ATP10A: variants seen among roughly 807,000 people sequenced by gnomAD.
ATP10A encodes phospholipid-transporting ATPase VA.
In ATP10A, 111 loss-of-function variants were observed where a neutral mutation model predicts 147.8. The ratio of observed to expected loss-of-function variants is 0.75; its 90% CI spans 0.64 to 0.88. The LOEUF (loss-of-function observed/expected upper bound fraction) is 0.88. Ranked by LOEUF, ATP10A falls within the 40% of genes least tolerant of loss-of-function variation. The pLI is 0.00. For missense variants in ATP10A, 1,927 were observed against 1,959.0 expected (o/e 0.98, Z 0.31); for synonymous variants, 875 against 841.6 (o/e 1.04, Z -0.69).
intron 1 of ATP10A, among the ~76,000 whole-genome samples, chr15:25,846,437 CCCCAAGTTAGCACGTGGT>C (rs1240840747): frequency 6.6e-6 from 1 of 152,212 alleles, no homozygotes; most frequent in Non-Finnish European, 1.5e-5. Flanking sequence ...CAGTGACAAG[CCCCAAGTTAGCACGTGGT>C]CCACTTCCAG....
At chr15:25,825,220 T>A (rs1223226209) in intron 1 of ATP10A, among the ~76,000 whole-genome samples, 2 of 152,102 alleles carry the variant, frequency 1.3e-5, no homozygotes, top group Admixed American at 1.3e-4. Flanking sequence ...TTGACATTTG[T>A]CAAATTAGAG....
downstream of ATP10A, chr15:25,677,266 C>T (rs1899156778): frequency 6.6e-6 from 1 of 152,116 alleles, no homozygotes; most frequent in South Asian, 2.1e-4. Flanking sequence ...ATTTTGACAC[C>T]AAACTTAGTT....
chr15:25,792,851 C>G (rs1008735778), intron 1 of ATP10A, among the ~76,000 whole-genome samples: 1 of 147,658 alleles, frequency 6.8e-6, no homozygotes, highest in Admixed American at 6.8e-5. Context: ...ATATCTGTTA[C>G]AAAAAGTTGC....
At chr15:25,684,428 G>A (rs551993554) in intron 16 of ATP10A, among the ~76,000 whole-genome samples, 3 of 152,328 alleles carry the variant, frequency 2.0e-5, no homozygotes, top group East Asian at 3.9e-4. Flanking sequence ...TGCTGTGAGC[G>A]TGAAGCGACC....
chr15:25,727,011 C>G (rs565612529), intron 4 of ATP10A, 149 bp downstream of exon 4: 1 of 550,868 alleles, frequency 1.8e-6, no homozygotes, highest in South Asian at 2.3e-5. Flanking sequence ...GAGCCGAGAT[C>G]GCGCCACTGC....
chr15:25,682,852 C>T (rs1435527912), intron 17 of ATP10A, among the ~76,000 whole-genome samples: 6 of 152,226 alleles, frequency 3.9e-5, no homozygotes, highest in Non-Finnish European at 8.8e-5. Flanking sequence ...AACAGCTGGT[C>T]ATCAGTGTGT....
chr15:25,734,054 G>A (rs1887121465), intron 3 of ATP10A, among the ~76,000 whole-genome samples: 1 of 152,196 alleles, frequency 6.6e-6, no homozygotes. Context: ...GTGGGAGGCA[G>A]TGAGGTGCTG....
intron 2 of ATP10A, among the ~76,000 whole-genome samples, chr15:25,746,948 T>TA (rs920976010): frequency 7.9e-5 from 12 of 150,988 alleles, no homozygotes; most frequent in South Asian, 2.1e-4. Flanking sequence ...ATCCCAAAAA[T>TA]AAAAAAAAAT....
At chr15:25,849,093 G>A (rs1390042168) in intron 1 of ATP10A, among the ~76,000 whole-genome samples, 3 of 152,040 alleles carry the variant, frequency 2.0e-5, no homozygotes, top group Non-Finnish European at 4.4e-5. Context: ...AAGAACAGGA[G>A]AGGCGGGGTA....
rs28669028 is a variant in ATP10A at position 25,721,886 on chromosome 15, G to A, written c.1134C>T (p.Tyr378=). The change falls in exon 7 of 21, where the codon TAC becomes TAT. Residue 378 remains tyrosine (Y), a synonymous_variant. Coordinates refer to ENST00000555815, the MANE Select transcript of ATP10A (RefSeq NM_024490.4). ...VLQVLIPISL[Y]VSIEIVKACQ... ...ATGCTTTAACAATTTCAATGGAAAC[G>A]TATAAGGAAATTGGGATCAAAACCT... is the stretch of plus-strand genomic sequence containing the variant. 1,672 of 1,608,686 alleles carry A rather than the reference G, an allele frequency of 1.0e-3. 23 individuals carry two copies. In the African/African-American group the frequency reaches 0.02, roughly 19 times the overall value.
intron 10 of ATP10A, chr15:25,710,420 AC>A: frequency 6.6e-6 from 1 of 152,190 alleles, no homozygotes; most frequent in Non-Finnish European, 1.5e-5. Flanking sequence ...GTGCCCACTG[AC>A]CCCAGACACA....
chr15:25,825,362 A>G (rs1286424616), intron 1 of ATP10A, among the ~76,000 whole-genome samples: 1 of 152,150 alleles, frequency 6.6e-6, no homozygotes, highest in Non-Finnish European at 1.5e-5. Context: ...ATTCCTGGGA[A>G]TCTCTAAGAC....
At chr15:25,778,776 T>A (rs1180808177) in intron 2 of ATP10A, among the ~76,000 whole-genome samples, 2 of 152,142 alleles carry the variant, frequency 1.3e-5, no homozygotes, top group African/African-American at 2.4e-5. Flanking sequence ...CACCGAGCTA[T>A]GAAGTGCTGC....
chr15:25,718,743 G>C (rs1902014674), intron 7 of ATP10A, among the ~76,000 whole-genome samples: 1 of 152,128 alleles, frequency 6.6e-6, no homozygotes. Context: ...CAGGTGGCCG[G>C]GAGAGGGAGG....
At chr15:25,848,409 C>T (rs1177895297) in intron 1 of ATP10A, among the ~76,000 whole-genome samples, 1 of 152,158 alleles carries the variant, frequency 6.6e-6, no homozygotes, top group Non-Finnish European at 1.5e-5. Context: ...CTGCCTCAGC[C>T]TCCTGAGGAC....
chr15:25,736,951 G>T (rs79435839), intron 2 of ATP10A, among the ~76,000 whole-genome samples: 190 of 152,242 alleles, frequency 1.2e-3, no homozygotes, highest in East Asian at 0.012. Flanking sequence ...TATAGAAATG[G>T]CATAAACACT....
At position 25,679,513 on chromosome 15, in the gene ATP10A, G is replaced by A. The variant is rs866806634; in HGVS notation, c.4328C>T (p.Ser1443Phe). The A allele has an allele frequency of 2.5e-6, 4 of 1,613,612 alleles. No homozygotes were observed. Among genetic ancestry groups the A allele is most frequent in the Admixed American group, 3.3e-5 (2 of 60,004 alleles). ...PTFSLLNWISSWSLVSRLGSV... is the reference protein window; with the variant it reads ...PTFSLLNWISFWSLVSRLGSV... ...CCCCAGCCTGCTGACCAGCGACCAG[G>A]AGGAAATCCAGTTGAGTAAGCTGAA... Residue 1443 changes from serine (S) to phenylalanine (F), a missense_variant, in exon 21 of 21, where the codon TCC becomes TTC. Physicochemically the swap from Ser to Phe is radical, Grantham distance 155 (BLOSUM62 -2). Transcript: ENST00000555815.
chr15:25,842,159 G>A (rs1427475400), intron 1 of ATP10A, among the ~76,000 whole-genome samples: 1 of 152,224 alleles, frequency 6.6e-6, no homozygotes. Context: ...GCTGTCCACT[G>A]GTGGCTTGGG....
At chr15:25,768,737 C>T (rs1263148921) in intron 2 of ATP10A, among the ~76,000 whole-genome samples, 2 of 125,508 alleles carry the variant, frequency 1.6e-5, no homozygotes, top group Non-Finnish European at 3.2e-5. Flanking sequence ...ATTTGTTGCT[C>T]AGGTTGGTCT....
Sources: allele counts gnomAD v4.1 joint callset (sites outside exome capture counted in the v4.1 genomes callset), GRCh38; gene constraint gnomAD v4.1.1; transcripts MANE v1.5; gene names NCBI Gene and HGNC (gene_info 2026-07-23, HGNC 2026-07-21).